The following PDE1A variants were observed in gnomAD, a reference collection of about 807,000 sequenced individuals.
PDE1A encodes phosphodiesterase 1A, also known as dual specificity calcium/calmodulin-dependent 3',5'-cyclic nucleotide phosphodiesterase 1A.
PDE1A carries 35 observed loss-of-function variants against 61.7 expected under a neutral mutation model. The ratio of observed to expected loss-of-function variants is 0.57; its 90% CI spans 0.43 to 0.75. PDE1A has a LOEUF of 0.75. PDE1A is among the 30% of genes least tolerant of loss of function. PDE1A has a pLI of 0.00. For synonymous variants in PDE1A, 232 were observed against 213.2 expected (o/e 1.09, Z -0.77); for missense variants, 597 against 630.6 (o/e 0.95, Z 0.57).
chr2:182,179,725 C>A (rs931749132), intron 13 of PDE1A, among the ~76,000 whole-genome samples: 2 of 152,098 alleles, frequency 1.3e-5, no homozygotes, highest in Admixed American at 6.6e-5. Flanking sequence ...TTCTTCCCTG[C>A]CTACTGCAGA....
At chr2:182,571,488 G>A in the PDE1A span, among the ~76,000 whole-genome samples, 3 of 151,982 alleles carry the variant, frequency 2.0e-5, no homozygotes, top group Admixed American at 2.0e-4. Context: ...GATCTGTGAA[G>A]GCAAATGTCA....
intron 2 of PDE1A, among the ~76,000 whole-genome samples, chr2:182,503,020 T>C (rs1001843374): frequency 6.7e-6 from 1 of 149,290 alleles, no homozygotes; most frequent in African/African-American, 2.5e-5. Flanking sequence ...TCTCTCTCTC[T>C]CCCCCTCCCC....
At chr2:182,198,046 A>G (rs1280597155) in intron 10 of PDE1A, among the ~76,000 whole-genome samples, 4 of 151,846 alleles carry the variant, frequency 2.6e-5, no homozygotes, top group Non-Finnish European at 5.9e-5. Context: ...ATATCTCTCC[A>G]TTTATATAGG....
the PDE1A span, among the ~76,000 whole-genome samples, chr2:182,584,352 C>T: frequency 1.4e-4 from 21 of 152,116 alleles, no homozygotes; most frequent in Non-Finnish European, 2.5e-4. Context: ...TGCAAGGAGC[C>T]ACAAGGAGTT....
intron 1 of PDE1A, among the ~76,000 whole-genome samples, chr2:182,283,177 A>G (rs1023092962): frequency 3.9e-5 from 6 of 152,074 alleles, no homozygotes; most frequent in African/African-American, 1.2e-4. Context: ...ATGGCAAAGT[A>G]AAATCACTGG....
At chr2:182,330,212 C>T (rs1697313243) in intron 1 of PDE1A, among the ~76,000 whole-genome samples, 1 of 151,816 alleles carries the variant, frequency 6.6e-6, no homozygotes, top group African/African-American at 2.4e-5. Flanking sequence ...GGCATGGTGG[C>T]GCGAGCCTGT....
In PDE1A at chr2:182,161,278, G is replaced by A. The variant is rs76699199; in HGVS notation, c.1517-14126C>T. Reference sequence around the variant, plus strand: ...CAAACACAAGCCTTCAGCATCCATCGGCTGAGTTACAAAGAAAGGTGAACT... The same window carrying A: ...CAAACACAAGCCTTCAGCATCCATCAGCTGAGTTACAAAGAAAGGTGAACT... On this transcript the variant is annotated intron_variant, in intron 13 of 13. Coordinates refer to the PDE1A transcript ENST00000409365. Among the ~76,000 whole-genome samples, 1,210 of 152,072 alleles carry A rather than the reference G, an allele frequency of 8.0e-3. 6 individuals are homozygous for A. Among genetic ancestry groups the A allele is most frequent in the Middle Eastern group, 0.014 (4 of 294 alleles).
At chr2:182,642,568 G>A in the PDE1A span, among the ~76,000 whole-genome samples, 2 of 152,164 alleles carry the variant, frequency 1.3e-5, no homozygotes, top group African/African-American at 4.8e-5. Flanking sequence ...GTGTGCTATG[G>A]AGGATTAGGA....
the PDE1A span, among the ~76,000 whole-genome samples, chr2:182,660,289 T>C: frequency 6.6e-6 from 1 of 152,154 alleles, no homozygotes; most frequent in Non-Finnish European, 1.5e-5. Flanking sequence ...GATGATGCCA[T>C]GAAACAAGAA....
At chr2:182,249,829 A>C (rs527850245) in intron 2 of PDE1A, among the ~76,000 whole-genome samples, 22 of 151,700 alleles carry the variant, frequency 1.5e-4, no homozygotes, top group South Asian at 2.1e-4. Flanking sequence ...GATATAGATG[A>C]TAATGCCAGC....
At chr2:182,182,075 T>G (rs1352659206) in intron 13 of PDE1A, among the ~76,000 whole-genome samples, 1 of 152,188 alleles carries the variant, frequency 6.6e-6, no homozygotes, top group African/African-American at 2.4e-5. Context: ...TTTAGACATG[T>G]CTTTGATGCA....
rs191111818 is a variant in PDE1A, at chr2:182,341,181, G to C, written c.54-76767C>G. 3.5e-4 allele frequency among the ~76,000 whole-genome samples: 53 copies of C among 152,240 alleles called. 1 individual carries two copies. The East Asian group carries it at 9.1e-3, about 26-fold the overall frequency. On this transcript the variant is annotated intron_variant, in intron 1 of 13. Coordinates refer to ENST00000351439, the Ensembl canonical transcript of PDE1A. The stretch of plus-strand genomic sequence containing the variant: ...TCACAACGTTATAGAGAGGAACATG[G>C]ACATGAATAATTCCCTTCATTTTAT...
intron 13 of PDE1A, among the ~76,000 whole-genome samples, chr2:182,181,837 C>T (rs1294287503): frequency 6.6e-6 from 1 of 152,116 alleles, no homozygotes; most frequent in African/African-American, 2.4e-5. Flanking sequence ...GTGAATTTTG[C>T]TTAGTCCAAA....
In PDE1A at chr2:182,343,506, TAAGAA is replaced by T. The variant is rs1252954895; in HGVS notation, c.54-79097_54-79093del. Among the ~76,000 whole-genome samples, 17 of 152,306 alleles carry T rather than the reference TAAGAA, an allele frequency of 1.1e-4. No homozygotes were observed. The South Asian group carries it at 2.5e-3, about 22-fold the overall frequency. ...TTAGTATAATATGTTTCTTCTAAGA[TAAGAA>T]AACAACTAGAAAATTTGTCATTAAA... is the stretch of plus-strand genomic sequence containing the variant. On this transcript the variant is annotated intron_variant, in intron 1 of 13. Transcript: ENST00000351439.
intron 2 of PDE1A, among the ~76,000 whole-genome samples, chr2:182,496,686 T>A (rs1460015551): frequency 6.6e-6 from 1 of 152,244 alleles, no homozygotes; most frequent in Non-Finnish European, 1.5e-5. Flanking sequence ...CATGAGACAA[T>A]TGTATTGGCT....
chr2:182,495,107 T>A (rs1206273471), intron 2 of PDE1A, among the ~76,000 whole-genome samples: 3 of 152,186 alleles, frequency 2.0e-5, no homozygotes, highest in Non-Finnish European at 4.4e-5. Context: ...GACTTCTTTC[T>A]AAGGTGCACG....
intron 1 of PDE1A, among the ~76,000 whole-genome samples, chr2:182,379,308 G>T (rs756240179): frequency 6.6e-5 from 10 of 152,220 alleles, no homozygotes; most frequent in Non-Finnish European, 1.5e-4. Flanking sequence ...GATATTAGAT[G>T]CAATTCCTTC....
At chr2:182,331,848 G>T (rs1181310508) in intron 1 of PDE1A, among the ~76,000 whole-genome samples, 1 of 152,162 alleles carries the variant, frequency 6.6e-6, no homozygotes. Context: ...TTCTCAAGTA[G>T]TATGTTTGTG....
chr2:182,186,488 A>G (rs1294298889), exon 12 of PDE1A: 1 of 1,612,768 alleles, frequency 6.2e-7, no homozygotes, highest in Non-Finnish European at 8.5e-7. Flanking sequence ...CATAGGAAGA[A>G]GTTTCGGCTT....
Sources: gnomAD v4.1 joint callset for allele counts (sites outside exome capture counted in the v4.1 genomes callset) on GRCh38, gnomAD v4.1.1 for gene constraint, MANE v1.5 for transcripts, NCBI Gene and HGNC (gene_info 2026-07-23, HGNC 2026-07-21) for gene names.